NCAM2: variants seen among roughly 807,000 people sequenced by gnomAD.
NCAM2 encodes the protein N-CAM-2.
A neutral mutation model predicts 98.1 loss-of-function variants in NCAM2; 30 were observed. The observed-to-expected ratio is 0.31, with a 90% CI of 0.23 to 0.41. The LOEUF is 0.41. NCAM2 is among the 10% of genes least tolerant of loss of function. The pLI is 1.00. For synonymous variants in NCAM2, 368 were observed against 342.4 expected, an observed-to-expected ratio of 1.07 and a Z score of -0.83; for missense variants, 867 against 1,005.8, an observed-to-expected ratio of 0.86 and a Z score of 1.87.
intron 6 of NCAM2, among the ~76,000 whole-genome samples, chr21:21,331,176 C>T (rs1170813171): frequency 2.6e-5 from 4 of 151,982 alleles, no homozygotes; most frequent in African/African-American, 7.2e-5. Context: ...GACAGATTCT[C>T]GCTCTGCCAC....
intron 1 of NCAM2, among the ~76,000 whole-genome samples, chr21:21,093,036 C>G (rs2066046071): frequency 6.8e-6 from 1 of 147,102 alleles, no homozygotes; most frequent in Non-Finnish European, 1.5e-5. Context: ...TCGTCAAACC[C>G]CAAAGAGATC....
chr21:21,393,464 A>C (rs1305729410), intron 9 of NCAM2, among the ~76,000 whole-genome samples: 1 of 152,100 alleles, frequency 6.6e-6, no homozygotes, highest in African/African-American at 2.4e-5. Context: ...TTCTTACCAT[A>C]CCAAAATTTT....
At chr21:21,260,683 C>T (rs2071863960) in intron 1 of NCAM2, among the ~76,000 whole-genome samples, 1 of 152,050 alleles carries the variant, frequency 6.6e-6, no homozygotes, top group Non-Finnish European at 1.5e-5. Flanking sequence ...CACCAGACCA[C>T]CACTACAAGA....
intron 1 of NCAM2, among the ~76,000 whole-genome samples, chr21:21,248,199 A>G (rs1416599845): frequency 6.6e-6 from 1 of 152,156 alleles, no homozygotes; most frequent in East Asian, 1.9e-4. Context: ...AAAAAGTCCA[A>G]TTGACTTGTT....
At chr21:21,282,387 G>C (rs1290847923) in intron 2 of NCAM2, among the ~76,000 whole-genome samples, 2 of 151,636 alleles carry the variant, frequency 1.3e-5, no homozygotes, top group African/African-American at 4.8e-5. Context: ...GATGAGTTTT[G>C]CTCTTAATAA....
At chr21:21,247,139 G>A (rs141860126) in intron 1 of NCAM2, among the ~76,000 whole-genome samples, 3,407 of 151,932 alleles carry the variant, frequency 0.022, 55 homozygotes, top group Admixed American at 0.044. Flanking sequence ...CTAACACAGT[G>A]AAACCCCGTC....
At chr21:21,505,734 T>G (rs1428775132) in intron 15 of NCAM2, among the ~76,000 whole-genome samples, 1 of 152,002 alleles carries the variant, frequency 6.6e-6, no homozygotes, top group African/African-American at 2.4e-5. Flanking sequence ...AGTTGAAATA[T>G]CATTTTTATA....
At position 21,503,296 on chromosome 21, in the gene NCAM2, T is replaced by C. The variant is rs1987754307; in HGVS notation, c.2078-5555T>C. Among the ~76,000 whole-genome samples, 3 of 151,882 alleles carry C rather than the reference T, an allele frequency of 2.0e-5. No homozygotes were observed. The South Asian group carries it at 6.2e-4, about 31-fold the overall frequency. ...TATTAAAATAGAACAATTACAACAATTTTCCAGCATCGCTAATCTTGTGTA... is the reference window on the plus strand; with the variant it reads ...TATTAAAATAGAACAATTACAACAACTTTCCAGCATCGCTAATCTTGTGTA... On this transcript the variant is annotated intron_variant, in intron 15 of 17. Coordinates refer to ENST00000400546, the MANE Select transcript of NCAM2 (RefSeq NM_004540.5).
At chr21:21,524,938 G>A (rs183214785) in intron 16 of NCAM2, among the ~76,000 whole-genome samples, 2 of 152,086 alleles carry the variant, frequency 1.3e-5, no homozygotes, top group African/African-American at 4.8e-5. Context: ...AATCTCAAAA[G>A]AAATTTTTAA....
chr21:21,103,618 G>C (rs981788454), intron 1 of NCAM2, among the ~76,000 whole-genome samples: 2 of 152,036 alleles, frequency 1.3e-5, no homozygotes, highest in Non-Finnish European at 2.9e-5. Flanking sequence ...TAATGCTTCT[G>C]TACTTTTATA....
At chr21:21,343,349 CTA>C (rs2075096763) in intron 8 of NCAM2, among the ~76,000 whole-genome samples, 2 of 90,538 alleles carry the variant, frequency 2.2e-5, no homozygotes, top group Admixed American at 2.1e-4. Context: ...TAACAACTAT[CTA>C]TACACATACA....
intron 8 of NCAM2, among the ~76,000 whole-genome samples, chr21:21,370,286 C>T (rs1215019953): frequency 6.6e-6 from 1 of 151,752 alleles, no homozygotes; most frequent in Non-Finnish European, 1.5e-5. Context: ...AAGGGCTTTG[C>T]TTTCTTACCC....
chr21:21,192,854 G>T (rs2068868388), intron 1 of NCAM2, among the ~76,000 whole-genome samples: 1 of 152,118 alleles, frequency 6.6e-6, no homozygotes, highest in Non-Finnish European at 1.5e-5. Flanking sequence ...AGTCTTGAAA[G>T]AAAGAGGTTT....
At chr21:21,105,390 T>C (rs775710781) in intron 1 of NCAM2, among the ~76,000 whole-genome samples, 10 of 152,052 alleles carry the variant, frequency 6.6e-5, no homozygotes, top group Non-Finnish European at 1.3e-4. Flanking sequence ...GATGTCAAGC[T>C]AAAAGGAGTT....
At chr21:21,260,583 C>G (rs1171167363) in intron 1 of NCAM2, among the ~76,000 whole-genome samples, 1 of 150,896 alleles carries the variant, frequency 6.6e-6, no homozygotes, top group Non-Finnish European at 1.5e-5. Flanking sequence ...AAATGCCAGC[C>G]AAGAATTTTA....
chr21:21,083,014 A>G (rs893961561), intron 1 of NCAM2, among the ~76,000 whole-genome samples: 1 of 152,212 alleles, frequency 6.6e-6, no homozygotes, highest in Non-Finnish European at 1.5e-5. Flanking sequence ...CTTTGCTTCT[A>G]TCAAAGCATT....
intron 1 of NCAM2, among the ~76,000 whole-genome samples, chr21:21,098,840 C>G (rs1354096348): frequency 6.6e-6 from 1 of 151,596 alleles, no homozygotes; most frequent in East Asian, 1.9e-4. Flanking sequence ...CAGTTTTGTT[C>G]AGAGTCAAGG....
chr21:21,429,078 T>G (rs1207749649), intron 11 of NCAM2, among the ~76,000 whole-genome samples: 30 of 152,130 alleles, frequency 2.0e-4, no homozygotes. Flanking sequence ...AGAATGAAAG[T>G]CATAAGCATG....
chr21:21,104,729 T>C (rs778548802), intron 1 of NCAM2, among the ~76,000 whole-genome samples: 1 of 152,190 alleles, frequency 6.6e-6, no homozygotes, highest in Non-Finnish European at 1.5e-5. Context: ...GAGTCTTTAG[T>C]AATCTCTGCC....
Sources: allele counts gnomAD v4.1 joint callset (sites outside exome capture counted in the v4.1 genomes callset), GRCh38; gene constraint gnomAD v4.1.1; transcripts MANE v1.5; gene names NCBI Gene and HGNC (gene_info 2026-07-23, HGNC 2026-07-21).